Variants in SNX19 observed in about 807,000 individuals in gnomAD.
SNX19 encodes sorting nexin-19.
Under a neutral mutation model 85.2 loss-of-function variants are expected in SNX19, and 60 were observed. The ratio of observed to expected loss-of-function variants is 0.70; its 90% CI spans 0.57 to 0.87. The LOEUF (loss-of-function observed/expected upper bound fraction) is 0.87, where lower values mean the gene tolerates loss of function less well. Ranked by LOEUF, SNX19 falls within the 40% of genes least tolerant of loss-of-function variation. The probability of loss-of-function intolerance (pLI) is 0.00; values close to 1 mark genes in which losing one functional copy is unlikely to be tolerated. For missense variants in SNX19, 1,201 were observed against 1,217.8 expected (o/e 0.99, Z 0.21); for synonymous variants, 520 against 470.0 (o/e 1.11, Z -1.38).
chr11:130,881,184 T>C (rs1565507287), intron 8 of SNX19: 1 of 161,008 alleles, frequency 6.2e-6, no homozygotes, highest in East Asian at 1.8e-4. Context: ...CAGTTTATGG[T>C]ATTTTGTTAT....
chr11:130,907,939 T>G lies in SNX19; in HGVS notation c.2165+14A>C, dbSNP rs2071408592. Reference sequence around the variant, plus strand: ...AACTGGGGAAAGGTCCCTGGGTAACTGAGGGCTTCTCACTTGCTAGCCTTC... The same window carrying G: ...AACTGGGGAAAGGTCCCTGGGTAACGGAGGGCTTCTCACTTGCTAGCCTTC... On this transcript the variant is annotated intron_variant, in intron 5 of 10. Coordinates refer to ENST00000265909, the MANE Select transcript of SNX19 (RefSeq NM_014758.3). The G allele has an allele frequency of 6.2e-7, 1 of 1,613,010 alleles. No individual in the cohort carries two copies.
rs149228429 is a variant in SNX19 at position 130,872,508 on chromosome 11, A to G, written c.*5914T>C. Among the ~76,000 whole-genome samples, 13 of 152,148 alleles carry G rather than the reference A, an allele frequency of 8.5e-5. 1 individual carries two copies. The East Asian group carries it at 2.5e-3, about 29-fold the overall frequency. ...CAATGTTGTCTTTGTGTAATAAGAAATATCAGGTAAGTCTTAGGATGTGGA... is the reference window on the plus strand; with the variant it reads ...CAATGTTGTCTTTGTGTAATAAGAAGTATCAGGTAAGTCTTAGGATGTGGA... On this transcript the variant is annotated 3_prime_UTR_variant, in exon 11 of 11. Transcript: ENST00000265909.
chr11:130,893,875 ACCCAACTCCCTCCCTG>A (rs1179420907), intron 8 of SNX19: 1 of 699,654 alleles, frequency 1.4e-6, no homozygotes, highest in Admixed American at 2.0e-5. Flanking sequence ...CCACCAATTT[ACCCAACTCCCTCCCTG>A]CTCCAGTACC....
At chr11:130,879,133 T>C (rs1943466663) in intron 10 of SNX19, among the ~76,000 whole-genome samples, 1 of 152,194 alleles carries the variant, frequency 6.6e-6, no homozygotes, top group Non-Finnish European at 1.5e-5. Flanking sequence ...TACTATCTTG[T>C]CTACCTGATA....
intron 8 of SNX19, among the ~76,000 whole-genome samples, chr11:130,886,505 C>T (rs768346077): frequency 6.6e-6 from 1 of 152,092 alleles, no homozygotes; most frequent in Non-Finnish European, 1.5e-5. Flanking sequence ...TGGAAATGCT[C>T]CCCATCTCCA....
chr11:130,916,334 G>C lies in SNX19; in HGVS notation c.-395C>G, dbSNP rs1467800303. ...TGGGTCACACGCCGCCGGGAACCGC[G>C]CGCCCACACTCAGCCCCGACCTGAA... On this transcript the variant is annotated 5_prime_UTR_variant, in exon 1 of 11. Transcript: ENST00000265909. The C allele has an allele frequency of 5.0e-6, 1 of 200,654 alleles. No homozygotes were observed. The highest frequency in any genetic ancestry group is 5.2e-5 in the Admixed American group (1 of 19,058). 12.4% of individuals were successfully genotyped at this position (200,654 alleles called of 1,614,324 possible).
At chr11:130,888,684 TA>T (rs1944271957) in intron 8 of SNX19, among the ~76,000 whole-genome samples, 1 of 152,182 alleles carries the variant, frequency 6.6e-6, no homozygotes, top group Non-Finnish European at 1.5e-5. Context: ...AACCATTTTT[TA>T]AAAAGGCAAG....
At chr11:130,887,323 C>G (rs1401365310) in intron 8 of SNX19, among the ~76,000 whole-genome samples, 1 of 152,198 alleles carries the variant, frequency 6.6e-6, no homozygotes, top group African/African-American at 2.4e-5. Flanking sequence ...ATCTCACCAA[C>G]TCTACATATG....
At chr11:130,901,001 A>G (rs564063499) in intron 8 of SNX19, among the ~76,000 whole-genome samples, 2 of 152,328 alleles carry the variant, frequency 1.3e-5, no homozygotes, top group South Asian at 4.1e-4. Flanking sequence ...TGGGGAGACA[A>G]AGCTAGTTCC....
At chr11:130,912,267 A>C (rs1156803714) in intron 1 of SNX19, among the ~76,000 whole-genome samples, 1 of 152,224 alleles carries the variant, frequency 6.6e-6, no homozygotes, top group Non-Finnish European at 1.5e-5. Context: ...TGTTTCACGC[A>C]GATTAATTTT....
At chr11:130,912,875 C>T (rs548911286) in intron 1 of SNX19, among the ~76,000 whole-genome samples, 1 of 152,212 alleles carries the variant, frequency 6.6e-6, no homozygotes, top group Admixed American at 6.5e-5. Context: ...ATCACATAAA[C>T]CGAAAACTAT....
chr11:130,908,379 T>A (rs1592362330), intron 4 of SNX19: 6 of 217,334 alleles, frequency 2.8e-5, no homozygotes, highest in Admixed American at 2.7e-4. Context: ...TGCGGGCTGG[T>A]GATGTATTTT....
At position 130,914,869 on chromosome 11, in the gene SNX19, T is replaced by C. The variant is rs768387745; in HGVS notation, c.1071A>G (p.Leu357=). ...RKVGNNSSHF[L]QPNVRGPLFL... ...ACAGGGGACCTCGAACATTTGGCTG[T>C]AGGAAATGAGATGAGTTGTTTCCTA... The change falls in exon 1 of 11, where the codon CTA becomes CTG. Residue 357 remains leucine (L), a synonymous_variant. Coordinates refer to ENST00000265909, the MANE Select transcript of SNX19 (RefSeq NM_014758.3). The C allele has an allele frequency of 1.9e-6, 3 of 1,614,212 alleles. No homozygotes were observed. The highest frequency in any genetic ancestry group is 1.1e-5 in the South Asian group (1 of 91,086).
intron 8 of SNX19, chr11:130,892,700 T>G (rs186143642): frequency 6.6e-6 from 1 of 152,370 alleles, no homozygotes; most frequent in Non-Finnish European, 1.5e-5. Context: ...TTGGATAATA[T>G]GAAAACTCTA....
In SNX19 at chr11:130,915,830, C is replaced by A; in HGVS notation, c.110G>T (p.Gly37Val). Residue 37 changes from glycine to valine, a missense_variant, in exon 1 of 11, where the codon GGC (glycine) becomes GTC (valine). Coordinates refer to ENST00000265909, the MANE Select transcript of SNX19 (RefSeq NM_014758.3). The stretch of plus-strand genomic sequence containing the variant: ...CAGAAGGTGTATGACCAGGAGCCAG[C>A]CAAGCAAGACCCCCACAGCCATCAG... ...RKLMAVGVLL[G>V]WLLVIHLLVN... 6.2e-7 allele frequency: 1 copy of A among 1,614,198 alleles called. No homozygotes were observed. Among genetic ancestry groups the A allele is most frequent in the South Asian group, 1.1e-5 (1 of 91,090 alleles).
intron 1 of SNX19, among the ~76,000 whole-genome samples, chr11:130,912,539 G>A (rs999583455): frequency 6.6e-6 from 1 of 152,214 alleles, no homozygotes; most frequent in Non-Finnish European, 1.5e-5. Flanking sequence ...CGCTGTGGGA[G>A]AAGTATATAT....
chr11:130,911,754 G>A lies in SNX19; in HGVS notation c.1692C>T (p.Asp564=), dbSNP rs374999658. The part of the protein sequence containing the change: ...LYTVKYETAL[D]GENSSGLQQL... The stretch of plus-strand genomic sequence containing the variant: ...GCTGCAGGCCGCTGCTGTTTTCACC[G>A]TCAAGGGCTGTCTCGTACTGTTCAA... The change falls in exon 2 of 11, where the codon GAC becomes GAT. Residue 564 remains aspartate, a synonymous_variant. Transcript: ENST00000265909. The A allele has an allele frequency of 5.0e-6, 8 of 1,613,998 alleles. No individual in the cohort carries two copies. Among genetic ancestry groups the A allele is most frequent in the African/African-American group, 4.0e-5 (3 of 74,898 alleles).
chr11:130,876,282 T>C lies in SNX19; in HGVS notation c.*2140A>G, dbSNP rs1409496709. On this transcript the variant is annotated 3_prime_UTR_variant, in exon 11 of 11. Coordinates refer to ENST00000265909, the MANE Select transcript of SNX19 (RefSeq NM_014758.3). ...TTGTTACTCTCTTGTTGTCTGAACC[T>C]GCTAGCCAAACTTGGCAGGTCGTTT... 6.6e-6 allele frequency: 1 copy of C among 152,248 alleles called. No homozygotes were observed. Among genetic ancestry groups the C allele is most frequent in the African/African-American group, 2.4e-5 (1 of 41,460 alleles). The allele number at this position is 152,248 out of a possible 1,614,324, so 9.4% of individuals were successfully genotyped here.
intron 1 of SNX19, among the ~76,000 whole-genome samples, chr11:130,912,361 T>C (rs1214596413): frequency 6.6e-6 from 1 of 152,152 alleles, no homozygotes; most frequent in African/African-American, 2.4e-5. Flanking sequence ...AAATTGGAGA[T>C]GTGATAAGGG....
Sources: allele counts gnomAD v4.1 joint callset (sites outside exome capture counted in the v4.1 genomes callset), GRCh38; gene constraint gnomAD v4.1.1; transcripts MANE v1.5; gene names NCBI Gene and HGNC (gene_info 2026-07-23, HGNC 2026-07-21).